The following CCDC146 variants were observed in gnomAD, a reference collection of about 807,000 sequenced individuals.
The protein encoded by CCDC146 is coiled-coil domain containing 146.
In CCDC146, 92 loss-of-function variants were observed where a neutral mutation model predicts 119.3. The ratio of observed to expected loss-of-function variants is 0.77; its 90% confidence interval spans 0.65 to 0.92. The LOEUF is 0.92. CCDC146 is among the 40% of genes least tolerant of loss of function. CCDC146 has a pLI of 0.00. For synonymous variants in CCDC146, 372 were observed against 371.8 expected (o/e 1.00, Z -0.01); for missense variants, 1,000 against 1,103.0 (o/e 0.91, Z 1.32).
At chr7:77,253,593 A>G (rs768812909) in intron 4 of CCDC146, among the ~76,000 whole-genome samples, 9 of 152,202 alleles carry the variant, frequency 5.9e-5, no homozygotes, top group Non-Finnish European at 1.0e-4. Context: ...TTTTTACTGG[A>G]TGGCAACTAT....
chr7:77,287,562 G>C lies in CCDC146; in HGVS notation c.2400G>C (p.Leu800=). ...CTCAGGGCTGCAAGCAGGACACACT[G>C]CTCTTAGCCAAGAAGGTAGGCCTGA... is the stretch of plus-strand genomic sequence containing the variant. ...SKTQGCKQDT[L]LLAKKMNGYQ... Residue 800 remains leucine, a synonymous_variant, in exon 17 of 19, where the codon CTG becomes CTC. Coordinates refer to ENST00000285871, the MANE Select transcript of CCDC146 (RefSeq NM_020879.3). The C allele has an allele frequency of 6.2e-7, 1 of 1,613,558 alleles. No homozygotes were observed. Among genetic ancestry groups the C allele is most frequent in the African/African-American group, 1.3e-5 (1 of 75,016 alleles).
chr7:77,263,041 G>A (rs3108434), intron 9 of CCDC146, among the ~76,000 whole-genome samples: 129,333 of 152,168 alleles, frequency 0.85, 55,710 homozygotes, highest in East Asian at 0.98. Flanking sequence ...AACCTTCCCC[G>A]TTCTCTTCAG....
Position 77,292,964 on chromosome 7 carries a change from CAAA to C in CCDC146, c.2429_2431del (p.Gln810del), listed in dbSNP as rs1257452412. 6.2e-7 allele frequency: 1 copy of C among 1,613,534 alleles called. No individual in the cohort carries two copies. Among genetic ancestry groups the C allele is most frequent in the Admixed American group, 1.7e-5 (1 of 59,932 alleles). ...TCTTTAATTCTAGATGAATGGCTAT[CAAA>C]GAAGGATCAAAAATGCAACTGAGAA... On this transcript the variant is annotated inframe_deletion, in exon 18 of 19. Coordinates refer to ENST00000285871, the MANE Select transcript of CCDC146 (RefSeq NM_020879.3).
At chr7:77,293,567 A>G (rs1346757457) in intron 18 of CCDC146, among the ~76,000 whole-genome samples, 2 of 152,144 alleles carry the variant, frequency 1.3e-5, no homozygotes, top group Non-Finnish European at 2.9e-5. Context: ...TGACTGTTCC[A>G]TGTTCATCTC....
At chr7:77,274,420 T>C (rs1211591949) in intron 10 of CCDC146, 62 bp from the exon 11 acceptor site, 6 of 1,126,758 alleles carry the variant, frequency 5.3e-6, no homozygotes, top group Admixed American at 5.6e-5. Flanking sequence ...TCTAAGATAC[T>C]AGCTTTACTG....
rs34373715 is a variant in CCDC146, at chr7:77,142,305, CATTTATTT to C, written c.-12+19604_-12+19611del. Among the ~76,000 whole-genome samples the C allele has an allele frequency of 1.9e-3, 268 of 142,846 alleles. No individual in the cohort carries two copies. In the South Asian group the frequency reaches 0.02, roughly 11 times the overall value. 93.7% of individuals were successfully genotyped at this position (142,846 alleles called of 152,430 possible). On this transcript the variant is annotated intron_variant, in intron 1 of 18. Coordinates refer to ENST00000285871, the MANE Select transcript of CCDC146 (RefSeq NM_020879.3). ...TCTGTTTGCAGATGACATGATTGTA[CATTTATTT>C]ATTTATTTATTTATTTATTTATTTA...
At chr7:77,208,009 G>A (rs888331779) in intron 2 of CCDC146, among the ~76,000 whole-genome samples, 25 of 152,266 alleles carry the variant, frequency 1.6e-4, no homozygotes, top group African/African-American at 4.1e-4. Flanking sequence ...GGTGAAAAAC[G>A]GACACATCCT....
At position 77,196,363 on chromosome 7, in the gene CCDC146, A is replaced by T; in HGVS notation, c.156+28539A>T. 6.2e-7 allele frequency: 1 copy of T among 1,614,086 alleles called. No individual in the cohort carries two copies. The highest frequency in any genetic ancestry group is 8.5e-7 in the Non-Finnish European group (1 of 1,180,008). On this transcript the variant is annotated intron_variant, in intron 2 of 18. Coordinates refer to ENST00000285871, the MANE Select transcript of CCDC146 (RefSeq NM_020879.3). This position sits in a 1 kb window ranked among gnomAD's most constrained non-coding sequence, Gnocchi z 4.2. ...AGCCACCAGGGTGTGCCTCACTTACACCAGGCCAGGTACCCCAGAAAATCC... is the reference window on the plus strand; with the variant it reads ...AGCCACCAGGGTGTGCCTCACTTACTCCAGGCCAGGTACCCCAGAAAATCC...
At chr7:77,145,566 T>C (rs1791004462) in intron 1 of CCDC146, among the ~76,000 whole-genome samples, 1 of 152,096 alleles carries the variant, frequency 6.6e-6, no homozygotes, top group Non-Finnish European at 1.5e-5. Flanking sequence ...GTGCTATAAA[T>C]TTCCCTCTAC....
chr7:77,293,765 C>G (rs2150561350), intron 18 of CCDC146, among the ~76,000 whole-genome samples: 1 of 152,334 alleles, frequency 6.6e-6, no homozygotes, highest in Non-Finnish European at 1.5e-5. Context: ...CTGTCTACCC[C>G]CATGACCTGT....
intron 2 of CCDC146, among the ~76,000 whole-genome samples, chr7:77,192,194 T>C (rs1791780347): frequency 6.6e-6 from 1 of 152,170 alleles, no homozygotes; most frequent in Non-Finnish European, 1.5e-5. Context: ...ATTACAGGCA[T>C]GTGCCACCAA....
chr7:77,241,755 C>A lies in CCDC146; in HGVS notation c.304C>A (p.Gln102Lys). 6.2e-7 allele frequency: 1 copy of A among 1,614,052 alleles called. No homozygotes were observed. The change falls in exon 4 of 19, where the codon CAG becomes AAG. Residue 102 changes from glutamine (Q) to lysine (K), a missense_variant. Around this residue, in one of 2 missense-constraint regions of CCDC146, gnomAD observed 985 missense variants for 1,045.3 expected, o/e 0.94. Coordinates refer to ENST00000285871, the MANE Select transcript of CCDC146 (RefSeq NM_020879.3). ...AKRFTEQIQQ[Q>K]QFHLQQADNF... is the part of the protein sequence containing the mutation. ...ACGTTTCACTGAGCAAATACAACAG[C>A]AGCAGTTTCACCTGCAGCAAGCTGA...
At chr7:77,147,987 G>A (rs989430575) in intron 1 of CCDC146, among the ~76,000 whole-genome samples, 8 of 152,186 alleles carry the variant, frequency 5.3e-5, no homozygotes, top group East Asian at 1.9e-4. Flanking sequence ...CCTTTTGTTC[G>A]GCTATGCCCT....
At chr7:77,173,457 C>T (rs555414968) in intron 2 of CCDC146, among the ~76,000 whole-genome samples, 31 of 151,992 alleles carry the variant, frequency 2.0e-4, no homozygotes, top group Admixed American at 1.3e-4. Context: ...GGCGAAACCC[C>T]GTCTCTACTA....
intron 2 of CCDC146, among the ~76,000 whole-genome samples, chr7:77,218,300 A>G (rs1367485741): frequency 6.7e-6 from 1 of 149,996 alleles, no homozygotes; most frequent in African/African-American, 2.4e-5. Context: ...TAAATTTTAT[A>G]TATTAAATAT....
intron 14 of CCDC146, among the ~76,000 whole-genome samples, chr7:77,281,861 A>G (rs921141470): frequency 6.6e-6 from 1 of 152,172 alleles, no homozygotes; most frequent in Non-Finnish European, 1.5e-5. Flanking sequence ...GAGAAAAAAA[A>G]TGCTATTCAG....
chr7:77,147,337 T>C (rs1261999913), intron 1 of CCDC146, among the ~76,000 whole-genome samples: 1 of 152,216 alleles, frequency 6.6e-6, no homozygotes, highest in Non-Finnish European at 1.5e-5. Flanking sequence ...GTTTTTAACT[T>C]CTTTGCACTG....
rs1275432234 is a variant in CCDC146, at chr7:77,280,558, C to T, written c.1824C>T (p.Asn608=). 6.2e-7 allele frequency: 1 copy of T among 1,613,992 alleles called. No individual in the cohort carries two copies. Among genetic ancestry groups the T allele is most frequent in the Non-Finnish European group, 8.5e-7 (1 of 1,180,004 alleles). Residue 608 remains asparagine (N), a synonymous_variant, in exon 14 of 19, where the codon AAC becomes AAT. Coordinates refer to ENST00000285871, the MANE Select transcript of CCDC146 (RefSeq NM_020879.3). ...MKEKKEAQLN[N]IDRLANTITM... ...AAAAGAAGGAAGCCCAGTTAAATAA[C>T]ATTGACAGACTTGCCAACACGATCA...
chr7:77,261,523 T>C (rs1750341812), intron 8 of CCDC146, among the ~76,000 whole-genome samples: 1 of 152,196 alleles, frequency 6.6e-6, no homozygotes. Context: ...CAGGCCGGAC[T>C]GCGGACTGCA....
Sources: gnomAD v4.1 joint callset for allele counts (sites outside exome capture counted in the v4.1 genomes callset) on GRCh38, gnomAD v4.1.1 for gene constraint, gnomAD v4.1.1 regional missense constraint, Gnocchi (gnomAD v3.1) non-coding constraint, MANE v1.5 for transcripts, NCBI Gene and HGNC (gene_info 2026-07-23, HGNC 2026-07-21) for gene names.